FAF2: variants seen among roughly 807,000 people sequenced by gnomAD.
The protein encoded by FAF2 is FAS-associated factor 2.
Under a neutral mutation model 62.3 loss-of-function variants are expected in FAF2, and 9 were observed. That is an observed-to-expected ratio of 0.14 (90% confidence interval 0.09 to 0.25). The LOEUF (loss-of-function observed/expected upper bound fraction) is 0.25, where lower values mean the gene tolerates loss of function less well. FAF2 is among the 10% of genes least tolerant of loss of function. The probability of loss-of-function intolerance (pLI) is 1.00; values close to 1 mark genes in which losing one functional copy is unlikely to be tolerated. For synonymous variants in FAF2, 202 were observed against 198.0 expected, an observed-to-expected ratio of 1.02 and a Z score of -0.17; for missense variants, 368 against 556.2, an observed-to-expected ratio of 0.66 and a Z score of 3.40.
intron 1 of FAF2, among the ~76,000 whole-genome samples, chr5:176,464,560 A>G (rs898274129): frequency 2.9e-5 from 4 of 140,066 alleles, no homozygotes; most frequent in African/African-American, 8.1e-5. Flanking sequence ...TGGCACAACC[A>G]TAGCTCACTG....
chr5:176,489,921 C>T (rs1259227271), intron 4 of FAF2, among the ~76,000 whole-genome samples: 1 of 152,198 alleles, frequency 6.6e-6, no homozygotes, highest in Non-Finnish European at 1.5e-5. Flanking sequence ...TATATACCCA[C>T]TTGCTTCATA....
intron 1 of FAF2, among the ~76,000 whole-genome samples, chr5:176,477,814 G>A (rs1310168201): frequency 2.6e-5 from 4 of 152,116 alleles, no homozygotes; most frequent in South Asian, 2.1e-4. Flanking sequence ...GTGCCTGTCC[G>A]TGGCCATGGG....
chr5:176,486,444 T>G lies in FAF2; in HGVS notation c.222T>G (p.Ala74=). Reference sequence around the variant, plus strand: ...CACGACCCCTGCAGGTTAATACAGCTGACCACAGGATCTACAGCTATGTTG... The same window carrying G: ...CACGACCCCTGCAGGTTAATACAGCGGACCACAGGATCTACAGCTATGTTG... ...PPSRPLQVNT[A]DHRIYSYVVS... Residue 74 remains alanine, a synonymous_variant, in exon 3 of 11, where the codon GCT becomes GCG. Transcript: ENST00000261942. 13 of 1,614,218 alleles carry G rather than the reference T, an allele frequency of 8.1e-6. No individual in the cohort carries two copies. Among genetic ancestry groups the G allele is most frequent in the Non-Finnish European group, 1.1e-5 (13 of 1,180,032 alleles).
chr5:176,504,032 G>A (rs1230999419), intron 10 of FAF2, among the ~76,000 whole-genome samples: 1 of 151,710 alleles, frequency 6.6e-6, no homozygotes, highest in Non-Finnish European at 1.5e-5. Context: ...GCTTGAACCT[G>A]GGAGGCGGAG....
intron 1 of FAF2, among the ~76,000 whole-genome samples, chr5:176,468,136 G>A (rs1158287142): frequency 6.6e-6 from 1 of 152,134 alleles, no homozygotes; most frequent in Non-Finnish European, 1.5e-5. Flanking sequence ...CTACACTCCA[G>A]CCTGGACGAC....
intron 3 of FAF2, among the ~76,000 whole-genome samples, chr5:176,487,821 A>G (rs1758900615): frequency 6.6e-6 from 1 of 152,004 alleles, no homozygotes; most frequent in African/African-American, 2.4e-5. Context: ...CTATTTCTAT[A>G]TACATTATTT....
chr5:176,470,753 C>G (rs1184594244), intron 1 of FAF2, among the ~76,000 whole-genome samples: 2 of 152,178 alleles, frequency 1.3e-5, no homozygotes, highest in Non-Finnish European at 2.9e-5. Context: ...CTTACTTTGG[C>G]TTTTTTAAGA....
In FAF2 at chr5:176,496,511, C is replaced by T. The variant is rs1392671072; in HGVS notation, c.687C>T (p.Thr229=). Residue 229 remains threonine, a synonymous_variant, in exon 8 of 11, where the codon ACC becomes ACT. Coordinates refer to ENST00000261942, the MANE Select transcript of FAF2 (RefSeq NM_014613.3). ...YRVSQALREN[T]YPFLAMIMLK... Reference sequence around the variant, plus strand: ...TCTCACAGGCTTTACGAGAGAACACCTATCCATTCCTGGCCATGATTATGC... The same window carrying T: ...TCTCACAGGCTTTACGAGAGAACACTTATCCATTCCTGGCCATGATTATGC... The T allele has an allele frequency of 6.2e-7, 1 of 1,604,744 alleles. No homozygotes were observed.
intron 10 of FAF2, among the ~76,000 whole-genome samples, chr5:176,501,351 G>A (rs999377032): frequency 6.6e-6 from 1 of 152,118 alleles, no homozygotes; most frequent in Non-Finnish European, 1.5e-5. Flanking sequence ...AATAATCAAG[G>A]GTAAACCTCA....
At chr5:176,462,901 A>G (rs1272144345) in intron 1 of FAF2, among the ~76,000 whole-genome samples, 1 of 152,204 alleles carries the variant, frequency 6.6e-6, no homozygotes, top group East Asian at 1.9e-4. Flanking sequence ...TTGGAGGACC[A>G]ATAAAGTTTG....
intron 10 of FAF2, among the ~76,000 whole-genome samples, chr5:176,501,129 A>T (rs1419917010): frequency 1.3e-5 from 2 of 149,244 alleles, no homozygotes; most frequent in African/African-American, 2.4e-5. Flanking sequence ...TAAAAAAAAA[A>T]AATAAATAAT....
rs1755706398 is a variant in FAF2, at chr5:176,507,514, G to A, written c.*564G>A. The A allele has an allele frequency of 5.4e-6, 1 of 183,736 alleles. No individual in the cohort carries two copies. Among genetic ancestry groups the A allele is most frequent in the African/African-American group, 2.4e-5 (1 of 41,806 alleles). 11.4% of individuals were successfully genotyped at this position (183,736 alleles called of 1,614,324 possible). A position where few individuals can be genotyped will look rare whatever the true frequency, so the allele number is the denominator to read the frequency against. On this transcript the variant is annotated 3_prime_UTR_variant, in exon 11 of 11. Transcript: ENST00000261942. ...GACCAAAGGAATGAGGCTGACATAG[G>A]TATATATATATATTTTTTTCCTTTA...
intron 2 of FAF2, among the ~76,000 whole-genome samples, chr5:176,481,237 G>T (rs1234124586): frequency 4.6e-5 from 7 of 151,958 alleles, no homozygotes; most frequent in Non-Finnish European, 8.8e-5. Context: ...TAGTAGAGAC[G>T]AGGTTTCACC....
intron 10 of FAF2, among the ~76,000 whole-genome samples, chr5:176,503,897 C>T (rs1266885868): frequency 1.3e-5 from 2 of 152,154 alleles, no homozygotes; most frequent in Admixed American, 6.5e-5. Flanking sequence ...TGCGGTGGCT[C>T]ATGCCTGTAA....
chr5:176,480,751 C>T (rs1450732686), intron 2 of FAF2, among the ~76,000 whole-genome samples: 2 of 132,660 alleles, frequency 1.5e-5, no homozygotes, highest in East Asian at 4.5e-4. Flanking sequence ...TAGAGAATTT[C>T]AGTTTGTAAT....
At chr5:176,480,730 G>C (rs1758772192) in intron 2 of FAF2, among the ~76,000 whole-genome samples, 1 of 139,540 alleles carries the variant, frequency 7.2e-6, no homozygotes. Context: ...TACTCTTATG[G>C]AACTTAATTC....
chr5:176,494,410 C>T lies in FAF2; in HGVS notation c.661+135C>T, dbSNP rs1410688424. 1 of 727,368 alleles carries T rather than the reference C, an allele frequency of 1.4e-6. No homozygotes were observed. Among genetic ancestry groups the T allele is most frequent in the African/African-American group, 1.7e-5 (1 of 57,164 alleles). The allele number at this position is 727,368 out of a possible 1,614,324, so 45.1% of individuals were successfully genotyped here. ...GACGCTAGTTGCTATTTTATATTGT[C>T]TCATTTAATCCTCTCAGCAGTCCTG... On this transcript the variant is annotated intron_variant, in intron 7 of 10. Coordinates refer to ENST00000261942, the MANE Select transcript of FAF2 (RefSeq NM_014613.3). This position sits in a 1 kb window ranked among gnomAD's most constrained non-coding sequence, Gnocchi z 4.0.
chr5:176,467,129 C>CTTTTTTTTTTTTTTTTTTTTTTTTT (rs374702773), intron 1 of FAF2, among the ~76,000 whole-genome samples: 1 of 94,036 alleles, frequency 1.1e-5, no homozygotes, highest in Non-Finnish European at 1.9e-5. Context: ...TTTTTTTTTC[C>CTTTTTTTTTTTTTTTTTTTTTTTTT]TTTTTTTTTT....
chr5:176,449,376 A>G (rs941134520), intron 1 of FAF2, among the ~76,000 whole-genome samples: 2 of 152,184 alleles, frequency 1.3e-5, no homozygotes, highest in African/African-American at 4.8e-5. Flanking sequence ...GGAGTTCGAG[A>G]CCACTCTGGC....
Sources: gnomAD v4.1 joint callset for allele counts (sites outside exome capture counted in the v4.1 genomes callset) on GRCh38, gnomAD v4.1.1 for gene constraint, Gnocchi (gnomAD v3.1) non-coding constraint, MANE v1.5 for transcripts, NCBI Gene and HGNC (gene_info 2026-07-23, HGNC 2026-07-21) for gene names.